Variants in SUSD4 observed in about 807,000 individuals in gnomAD.
SUSD4 encodes sushi domain-containing protein 4.
In SUSD4, 41 loss-of-function variants were observed where a neutral mutation model predicts 50.5. The ratio of observed to expected loss-of-function variants is 0.81; its 90% confidence interval spans 0.63 to 1.05. The LOEUF (loss-of-function observed/expected upper bound fraction) is 1.05. SUSD4 is among the 50% of genes least tolerant of loss of function. The probability of loss-of-function intolerance (pLI) is 0.00; values close to 1 mark genes in which losing one functional copy is unlikely to be tolerated. For synonymous variants in SUSD4, 257 were observed against 257.3 expected (o/e 1.00, Z 0.01); for missense variants, 580 against 634.7 (o/e 0.91, Z 0.93).
intron 2 of SUSD4, among the ~76,000 whole-genome samples, chr1:223,295,552 A>G (rs2103160353): frequency 6.6e-6 from 1 of 152,288 alleles, no homozygotes; most frequent in Non-Finnish European, 1.5e-5. Context: ...AAGAGTAGCC[A>G]GAAGGGAGGA....
At chr1:223,228,079 C>A (rs1355454918) in intron 6 of SUSD4, among the ~76,000 whole-genome samples, 6 of 152,148 alleles carry the variant, frequency 3.9e-5, no homozygotes. Flanking sequence ...GAAGTTGCTC[C>A]GAAATGGACC....
chr1:223,331,479 G>A (rs1417111243), intron 2 of SUSD4, among the ~76,000 whole-genome samples: 2 of 152,200 alleles, frequency 1.3e-5, no homozygotes, highest in East Asian at 3.8e-4. Flanking sequence ...GTCCCCCTGT[G>A]GTTGGGGTTG....
In SUSD4 at chr1:223,290,203, T is replaced by C. The variant is rs142933978; in HGVS notation, c.361+2236A>G. 4.4e-3 allele frequency among the ~76,000 whole-genome samples: 677 copies of C among 152,324 alleles called. 8 individuals are homozygous for C. The highest frequency in any genetic ancestry group is 0.015 in the African/African-American group (644 of 41,576). ...AGCAGCCCTTACTACTTGCCCAGCA[T>C]AAATCCTAATCAGGGAGCATGGCTA... On this transcript the variant is annotated intron_variant, in intron 3 of 8. Coordinates refer to ENST00000366878, the MANE Select transcript of SUSD4 (RefSeq NM_017982.4).
intron 2 of SUSD4, among the ~76,000 whole-genome samples, chr1:223,362,933 A>ACCCC (rs1486193519): frequency 1.4e-4 from 9 of 66,498 alleles, no homozygotes; most frequent in African/African-American, 4.1e-4. Flanking sequence ...CACTGCCCCC[A>ACCCC]CCCCCCACCC....
intron 5 of SUSD4, among the ~76,000 whole-genome samples, chr1:223,259,621 G>C (rs894719207): frequency 2.6e-5 from 4 of 152,132 alleles, no homozygotes; most frequent in Non-Finnish European, 5.9e-5. Flanking sequence ...AGATACTAAC[G>C]GGTTGTGGGT....
chr1:223,303,578 G>A (rs941512384), intron 2 of SUSD4, among the ~76,000 whole-genome samples: 4 of 152,192 alleles, frequency 2.6e-5, no homozygotes, highest in Non-Finnish European at 5.9e-5. Flanking sequence ...GCAATGCAAT[G>A]GGGCTCTTTC....
intron 2 of SUSD4, among the ~76,000 whole-genome samples, chr1:223,308,030 C>T (rs1399663621): frequency 2.0e-5 from 3 of 152,142 alleles, no homozygotes; most frequent in Non-Finnish European, 4.4e-5. Context: ...AGTGGGATAA[C>T]TTACTTAAAT....
rs1659403973 is a variant in SUSD4 at position 223,224,870 on chromosome 1, T to C, written c.1062-1239A>G. Among the ~76,000 whole-genome samples, 9 of 141,192 alleles carry C rather than the reference T, an allele frequency of 6.4e-5. 1 individual carries two copies. The South Asian group carries it at 2.1e-3, about 33-fold the overall frequency. 92.6% of individuals were successfully genotyped at this position (141,192 alleles called of 152,430 possible). On this transcript the variant is annotated intron_variant, in intron 7 of 8. Coordinates refer to ENST00000366878, the MANE Select transcript of SUSD4 (RefSeq NM_017982.4). ...TAGAACTTGGTTTCTTCCTTTTTTT[T>C]TTTTTTTTTTTTTTTTTGAGATAGA...
At chr1:223,268,187 T>C (rs1662655372) in intron 4 of SUSD4, among the ~76,000 whole-genome samples, 2 of 151,712 alleles carry the variant, frequency 1.3e-5, no homozygotes, top group Non-Finnish European at 2.9e-5. Flanking sequence ...CAGTTACAAG[T>C]CTCCTGATTC....
intron 2 of SUSD4, among the ~76,000 whole-genome samples, chr1:223,352,325 C>T (rs923905487): frequency 1.3e-5 from 2 of 152,146 alleles, no homozygotes; most frequent in African/African-American, 4.8e-5. Flanking sequence ...TGCTCATTTC[C>T]ATGTAAATGA....
At chr1:223,364,814 C>CT (rs1669227910), upstream of SUSD4, among the ~76,000 whole-genome samples, 1 of 152,104 alleles carries the variant, frequency 6.6e-6, no homozygotes, top group African/African-American at 2.4e-5. The surrounding 1 kb of genome is among the most constrained non-coding windows in gnomAD (Gnocchi z 4.5). Context: ...CGCCAATTGC[C>CT]CGAGTCTCTT....
intron 4 of SUSD4, among the ~76,000 whole-genome samples, chr1:223,267,215 C>T (rs560106695): frequency 3.0e-4 from 46 of 152,278 alleles, no homozygotes; most frequent in African/African-American, 1.1e-3. Flanking sequence ...GGCACACCAA[C>T]ACAGGGTATT....
chr1:223,267,059 G>C (rs1251340202), intron 4 of SUSD4, among the ~76,000 whole-genome samples: 1 of 152,200 alleles, frequency 6.6e-6, no homozygotes, highest in Non-Finnish European at 1.5e-5. Context: ...ACCTCTGCAG[G>C]GTAACCGACT....
At chr1:223,312,487 A>G (rs1455336334) in intron 2 of SUSD4, among the ~76,000 whole-genome samples, 1 of 152,132 alleles carries the variant, frequency 6.6e-6, no homozygotes, top group Non-Finnish European at 1.5e-5. Context: ...TCACTGATAC[A>G]TGACCTTTGG....
intron 2 of SUSD4, among the ~76,000 whole-genome samples, chr1:223,326,754 T>C (rs1479342832): frequency 6.6e-6 from 1 of 152,034 alleles, no homozygotes; most frequent in Non-Finnish European, 1.5e-5. Flanking sequence ...ATGCTAAACA[T>C]CACCAATCAT....
In SUSD4 at chr1:223,222,172, C is replaced by G. The variant is rs781449798; in HGVS notation, c.*20G>C. 7.3e-5 allele frequency: 118 copies of G among 1,612,574 alleles called. No homozygotes were observed. Among genetic ancestry groups the G allele is most frequent in the Non-Finnish European group, 9.6e-5 (113 of 1,179,398 alleles). On this transcript the variant is annotated 3_prime_UTR_variant, in exon 9 of 9. Coordinates refer to ENST00000366878, the MANE Select transcript of SUSD4 (RefSeq NM_017982.4). ...CCTTTCCCCGAAGGAGCAGGAGAGT[C>G]ATCTGGATCTTGACCCATATTAGGG... is the stretch of plus-strand genomic sequence containing the variant.
chr1:223,336,479 T>G (rs1667462924), intron 2 of SUSD4, among the ~76,000 whole-genome samples: 1 of 152,218 alleles, frequency 6.6e-6, no homozygotes, highest in South Asian at 2.1e-4. Flanking sequence ...TGGAAGTGGC[T>G]GCCTCTGAGG....
chr1:223,325,234 C>A (rs975925478), intron 2 of SUSD4, among the ~76,000 whole-genome samples: 9 of 152,090 alleles, frequency 5.9e-5, no homozygotes, highest in African/African-American at 4.8e-5. Flanking sequence ...CAAAAAATAA[C>A]CCCAAGCAAA....
intron 2 of SUSD4, among the ~76,000 whole-genome samples, chr1:223,315,768 CA>C (rs749063845): frequency 9.2e-5 from 14 of 152,124 alleles, no homozygotes; most frequent in Admixed American, 2.0e-4. Flanking sequence ...TCTCAGAGAA[CA>C]GATCTGATCA....
Sources: allele counts gnomAD v4.1 joint callset (sites outside exome capture counted in the v4.1 genomes callset), GRCh38; gene constraint gnomAD v4.1.1; non-coding constraint Gnocchi (gnomAD v3.1); transcripts MANE v1.5; gene names NCBI Gene and HGNC (gene_info 2026-07-23, HGNC 2026-07-21).